Variants in N4BP3 observed in about 807,000 individuals in gnomAD.
The protein encoded by N4BP3 is NEDD4-binding protein 3.
Under a neutral mutation model 43.8 loss-of-function variants are expected in N4BP3, and 33 were observed. The ratio of observed to expected loss-of-function variants is 0.75; its 90% confidence interval spans 0.57 to 1.01. N4BP3 has a LOEUF of 1.01. N4BP3 is among the 50% of genes least tolerant of loss of function. The pLI, the probability that N4BP3 is intolerant of heterozygous loss-of-function variation, is 0.00. For synonymous variants in N4BP3, 326 were observed against 321.9 expected (o/e 1.01, Z -0.14); for missense variants, 756 against 744.2 (o/e 1.02, Z -0.18).
At chr5:178,117,993 C>G (rs1453012998) in intron 1 of N4BP3, among the ~76,000 whole-genome samples, 3 of 152,094 alleles carry the variant, frequency 2.0e-5, no homozygotes, top group Non-Finnish European at 4.4e-5. Flanking sequence ...AGTGGGTGCC[C>G]GGAAGCATGG....
intron 1 of N4BP3, 43 bp downstream of exon 1, chr5:178,113,814 G>T (rs1250553322): frequency 1.3e-5 from 2 of 152,040 alleles, no homozygotes; most frequent in Admixed American, 1.3e-4. Context: ...GGCTGGACTC[G>T]GGGGGTGGGG....
rs562483165 is a variant in N4BP3, at chr5:178,118,496, G to A, written c.-30-1058G>A. Among the ~76,000 whole-genome samples the A allele has an allele frequency of 2.6e-5, 4 of 152,310 alleles. No homozygotes were observed. In the East Asian group the frequency reaches 7.7e-4, roughly 29 times the overall value. ...TTTGGGACCCACCCTGCCGGGTGGT[G>A]GGCTTTGGAATAAGAGCATATACAG... On this transcript the variant is annotated intron_variant, in intron 1 of 4. Transcript: ENST00000274605. This position sits in a 1 kb window ranked among gnomAD's most constrained non-coding sequence, Gnocchi z 5.4.
downstream of N4BP3, among the ~76,000 whole-genome samples, chr5:178,126,918 G>A (rs996247261): frequency 6.6e-6 from 1 of 152,166 alleles, no homozygotes; most frequent in African/African-American, 2.4e-5. Flanking sequence ...TCAGGCCCCA[G>A]TTTTTGGAGC....
At position 178,119,741 on chromosome 5, in the gene N4BP3, G is replaced by C; in HGVS notation, c.158G>C (p.Arg53Pro). ...DGLLRKGLGQ[R>P]EFLSYLHLPK... ...CTCCTCCGGAAGGGCTTGGGCCAGC[G>C]TGAGTTCCTCAGCTACCTGCACCTC... Residue 53 changes from arginine to proline, a missense_variant, in exon 2 of 5, where the codon CGT becomes CCT. Arg to Pro is a moderately radical substitution (Grantham distance 103). Coordinates refer to ENST00000274605, the MANE Select transcript of N4BP3 (RefSeq NM_015111.2). 1 of 1,613,530 alleles carries C rather than the reference G, an allele frequency of 6.2e-7. No individual in the cohort carries two copies. The highest frequency in any genetic ancestry group is 8.5e-7 in the Non-Finnish European group (1 of 1,180,006).
chr5:178,120,237 C>T lies in N4BP3; in HGVS notation c.390C>T (p.Ser130=), dbSNP rs765862882. Residue 130 remains serine, a synonymous_variant, in exon 3 of 5, where the codon TCC becomes TCT. Transcript: ENST00000274605. ...PTAGNGKGFL[S]MQSLASHKGQ... ...CGGGCAACGGGAAAGGCTTCCTATC[C>T]ATGCAAAGTCTGGCGTCCCACAAAG... 1.5e-5 allele frequency: 24 copies of T among 1,602,920 alleles called. No individual in the cohort carries two copies. Among genetic ancestry groups the T allele is most frequent in the Non-Finnish European group, 2.0e-5 (24 of 1,173,208 alleles).
chr5:178,121,772 G>A lies in N4BP3; in HGVS notation c.1406G>A (p.Arg469Gln), dbSNP rs1457915583. The A allele has an allele frequency of 3.7e-6, 6 of 1,608,350 alleles. No homozygotes were observed. Among genetic ancestry groups the A allele is most frequent in the South Asian group, 2.2e-5 (2 of 91,018 alleles). The change falls in exon 5 of 5, where the codon CGG (arginine) becomes CAG (glutamine). Residue 469 changes from arginine to glutamine, a missense_variant. Coordinates refer to ENST00000274605, the MANE Select transcript of N4BP3 (RefSeq NM_015111.2). The stretch of plus-strand genomic sequence containing the variant: ...GCCAGAGACAGTGCTGAGCAGCTGC[G>A]GGCTGAGCTGCTGCAGGAGCGACTT... ...SEARDSAEQL[R>Q]AELLQERLRG...
rs1193690221 is a variant in N4BP3 at position 178,119,852 on chromosome 5, A to T, written c.269A>T (p.Glu90Val). The T allele has an allele frequency of 6.2e-7, 1 of 1,612,802 alleles. No individual in the cohort carries two copies. The highest frequency in any genetic ancestry group is 1.3e-5 in the African/African-American group (1 of 74,918). Residue 90 changes from glutamate to valine, a missense_variant, in exon 2 of 5, where the codon GAA (glutamate) becomes GTA (valine). Coordinates refer to ENST00000274605, the MANE Select transcript of N4BP3 (RefSeq NM_015111.2). Reference sequence around the variant, plus strand: ...GACTATGCCACCCTCTACTACCGGGAACATTCTCGCGCGGGTGACTTCAGC... The same window carrying T: ...GACTATGCCACCCTCTACTACCGGGTACATTCTCGCGCGGGTGACTTCAGC... ...PADYATLYYREHSRAGDFSKT... is the reference protein window; with the variant it reads ...PADYATLYYRVHSRAGDFSKT...
downstream of N4BP3, among the ~76,000 whole-genome samples, chr5:178,126,754 T>C (rs1758072819): frequency 6.6e-6 from 1 of 152,158 alleles, no homozygotes; most frequent in African/African-American, 2.4e-5. Context: ...ACATGGACAA[T>C]TAACTCACAG....
At chr5:178,114,328 C>G (rs1371337197) in intron 1 of N4BP3, among the ~76,000 whole-genome samples, 1 of 152,212 alleles carries the variant, frequency 6.6e-6, no homozygotes, top group Non-Finnish European at 1.5e-5. Flanking sequence ...CCCATGAGAT[C>G]TCTCGCTTCC....
At chr5:178,120,066 C>T (rs191083282) in intron 2 of N4BP3, 112 bp from the exon 3 acceptor site, 147 of 1,481,584 alleles carry the variant, frequency 9.9e-5, no homozygotes, top group Non-Finnish European at 1.2e-4. Flanking sequence ...CCTGGTGGCA[C>T]GTGCCCCGCG....
chr5:178,118,128 G>T lies in N4BP3; in HGVS notation c.-30-1426G>T, dbSNP rs1355461713. 2.6e-5 allele frequency among the ~76,000 whole-genome samples: 4 copies of T among 152,168 alleles called. No individual in the cohort carries two copies. The highest frequency in any genetic ancestry group is 9.7e-5 in the African/African-American group (4 of 41,436). On this transcript the variant is annotated intron_variant, in intron 1 of 4. Coordinates refer to ENST00000274605, the MANE Select transcript of N4BP3 (RefSeq NM_015111.2). The surrounding 1 kb of genome is among the most constrained non-coding windows in gnomAD (Gnocchi z 5.4). Reference sequence around the variant, plus strand: ...TTCACTCGGCCAGACCTTTCTGCACGCCCGCTCCATGCTGGGCACTGGGCT... The same window carrying T: ...TTCACTCGGCCAGACCTTTCTGCACTCCCGCTCCATGCTGGGCACTGGGCT...
At position 178,121,820 on chromosome 5, in the gene N4BP3, G is replaced by A. The variant is rs781658772; in HGVS notation, c.1454G>A (p.Arg485His). The change falls in exon 5 of 5, where the codon CGC becomes CAC. Residue 485 changes from arginine to histidine, a missense_variant. Arg to His is a conservative substitution (Grantham distance 29). Coordinates refer to ENST00000274605, the MANE Select transcript of N4BP3 (RefSeq NM_015111.2). ...CTTCGGGGCCAGGAGCAGGCGCTGCGCTTTGAGCAGGAGCGGCGGACTTGG... is the reference window on the plus strand; with the variant it reads ...CTTCGGGGCCAGGAGCAGGCGCTGCACTTTGAGCAGGAGCGGCGGACTTGG... ...ERLRGQEQALRFEQERRTWQE... is the reference protein window; with the variant it reads ...ERLRGQEQALHFEQERRTWQE... The A allele has an allele frequency of 2.5e-6, 4 of 1,608,936 alleles. No homozygotes were observed. In the East Asian group the frequency reaches 6.7e-5, roughly 27 times the overall value.
At position 178,121,634 on chromosome 5, in the gene N4BP3, G is replaced by A. The variant is rs1414677685; in HGVS notation, c.1268G>A (p.Arg423His). 9 of 1,612,702 alleles carry A rather than the reference G, an allele frequency of 5.6e-6. No individual in the cohort carries two copies. The highest frequency in any genetic ancestry group is 1.1e-5 in the South Asian group (1 of 91,052). Reference sequence around the variant, plus strand: ...CAGGACGCAGAGCTGGTCCGGCTGCGCGAGGCTGTGCGCAGCCTGCAGGAG... The same window carrying A: ...CAGGACGCAGAGCTGGTCCGGCTGCACGAGGCTGTGCGCAGCCTGCAGGAG... ...QAQDAELVRL[R>H]EAVRSLQEQA... The change falls in exon 5 of 5, where the codon CGC (arginine) becomes CAC (histidine). Residue 423 changes from arginine (R) to histidine (H), a missense_variant. By Grantham distance (29) the Arg-to-His change is conservative (BLOSUM62 0). Transcript: ENST00000274605.
intron 1 of N4BP3, among the ~76,000 whole-genome samples, chr5:178,119,155 C>A (rs954895441): frequency 1.3e-5 from 2 of 152,318 alleles, no homozygotes; most frequent in South Asian, 4.1e-4. Flanking sequence ...TGAGCCACCG[C>A]GCCCGGCCAA....
chr5:178,122,123 G>T lies in N4BP3; in HGVS notation c.*122G>T. The T allele has an allele frequency of 7.9e-7, 1 of 1,267,970 alleles. No individual in the cohort carries two copies. The highest frequency in any genetic ancestry group is 1.1e-6 in the Non-Finnish European group (1 of 946,450). 78.5% of individuals were successfully genotyped at this position (1,267,970 alleles called of 1,614,324 possible). ...GAGGCCAGCCCGGGGCTGGGGAGGCGCAAGGAGAGGAGGGATCCAGTGGGG... is the reference window on the plus strand; with the variant it reads ...GAGGCCAGCCCGGGGCTGGGGAGGCTCAAGGAGAGGAGGGATCCAGTGGGG... On this transcript the variant is annotated 3_prime_UTR_variant, in exon 5 of 5. Coordinates refer to ENST00000274605, the MANE Select transcript of N4BP3 (RefSeq NM_015111.2).
At chr5:178,114,742 G>C (rs1757732566) in intron 1 of N4BP3, among the ~76,000 whole-genome samples, 1 of 152,216 alleles carries the variant, frequency 6.6e-6, no homozygotes, top group Non-Finnish European at 1.5e-5. Context: ...CGGCCAGCCT[G>C]CCTCTGCCAC....
chr5:178,115,242 C>G (rs978050578), intron 1 of N4BP3, among the ~76,000 whole-genome samples: 6 of 152,222 alleles, frequency 3.9e-5, no homozygotes, highest in African/African-American at 1.4e-4. Context: ...GCACCACTTC[C>G]GCAGGCTTTA....
intron 1 of N4BP3, among the ~76,000 whole-genome samples, chr5:178,115,868 T>G (rs1199169238): frequency 1.3e-5 from 2 of 152,196 alleles, no homozygotes; most frequent in African/African-American, 4.8e-5. Context: ...GAGATTCCAG[T>G]GCTGCCTGCT....
rs780783864 is a variant in N4BP3, at chr5:178,120,571, C to T, written c.724C>T (p.Pro242Ser). 11 of 1,612,828 alleles carry T rather than the reference C, an allele frequency of 6.8e-6. No individual in the cohort carries two copies. Among genetic ancestry groups the T allele is most frequent in the Middle Eastern group, 1.6e-4 (1 of 6,084 alleles). The part of the protein sequence containing the change: ...AGPPAVLSCL[P>S]EPPPPYEFSC... ...GCCACCAGCTGTGCTGAGCTGCCTG[C>T]CCGAGCCACCACCCCCCTACGAGTT... The change falls in exon 3 of 5, where the codon CCC (proline) becomes TCC (serine). Residue 242 changes from proline (P) to serine (S), a missense_variant. By Grantham distance (74) the Pro-to-Ser change is moderately conservative. Coordinates refer to ENST00000274605, the MANE Select transcript of N4BP3 (RefSeq NM_015111.2).
Sources: gnomAD v4.1 joint callset for allele counts (sites outside exome capture counted in the v4.1 genomes callset) on GRCh38, gnomAD v4.1.1 for gene constraint, Gnocchi (gnomAD v3.1) non-coding constraint, MANE v1.5 for transcripts, NCBI Gene and HGNC (gene_info 2026-07-23, HGNC 2026-07-21) for gene names.